The following GRAMD1B variants were observed in gnomAD, a reference collection of about 807,000 sequenced individuals.
GRAMD1B encodes protein Aster-B.
Under a neutral mutation model 99.7 loss-of-function variants are expected in GRAMD1B, and 37 were observed. The ratio of observed to expected loss-of-function variants is 0.37; its 90% confidence interval spans 0.29 to 0.49. The LOEUF (loss-of-function observed/expected upper bound fraction) is 0.49. Ranked by LOEUF, GRAMD1B falls within the 20% of genes least tolerant of loss-of-function variation. The pLI is 0.98. For missense variants in GRAMD1B, 888 were observed against 1,009.2 expected, an observed-to-expected ratio of 0.88 and a Z score of 1.63; for synonymous variants, 427 against 387.6, an observed-to-expected ratio of 1.10 and a Z score of -1.19.
chr11:123,457,728 G>GT (rs1171755548), intron 1 of GRAMD1B, among the ~76,000 whole-genome samples: 2 of 152,134 alleles, frequency 1.3e-5, no homozygotes, highest in Non-Finnish European at 2.9e-5. Flanking sequence ...TTATGTATTT[G>GT]TTTTTTGAGA....
intron 1 of GRAMD1B, among the ~76,000 whole-genome samples, chr11:123,364,455 G>A (rs1946251701): frequency 1.3e-5 from 2 of 152,240 alleles, no homozygotes; most frequent in African/African-American, 4.8e-5. Flanking sequence ...GTCTATTAAG[G>A]GGAAGACAGA....
chr11:123,597,985 A>C (rs982142037), intron 7 of GRAMD1B: 2 of 1,207,172 alleles, frequency 1.7e-6, no homozygotes, highest in African/African-American at 3.0e-5. Flanking sequence ...ATGTCTTCTT[A>C]TTCACAGCAT....
intron 4 of GRAMD1B, among the ~76,000 whole-genome samples, chr11:123,585,035 G>GC (rs1289561465): frequency 1.3e-5 from 2 of 152,214 alleles, no homozygotes; most frequent in African/African-American, 4.8e-5. Context: ...CTCTCAGCTG[G>GC]CCCCCGCCGT....
At chr11:123,507,968 CTG>C (rs1300782849) in intron 2 of GRAMD1B, among the ~76,000 whole-genome samples, 2 of 152,146 alleles carry the variant, frequency 1.3e-5, no homozygotes, top group African/African-American at 4.8e-5. Context: ...GCTCTACTGA[CTG>C]TGTGACCTTG....
chr11:123,584,371 A>AATTGGGAGGGGG, intron 4 of GRAMD1B, 39 bp downstream of exon 4: 3 of 127,446 alleles, frequency 2.4e-5, no homozygotes, highest in Non-Finnish European at 3.7e-5. Flanking sequence ...GGTACCTGAG[A>AATTGGGAGGGGG]AATGGGAGGG....
At chr11:123,621,668 A>G (rs374643890) in intron 19 of GRAMD1B, among the ~76,000 whole-genome samples, 266 of 152,318 alleles carry the variant, frequency 1.7e-3, no homozygotes, top group South Asian at 7.9e-3. Flanking sequence ...GGGGAGAACA[A>G]TGTGGCTCAA....
intron 14 of GRAMD1B, among the ~76,000 whole-genome samples, chr11:123,612,138 G>T (rs546024515): frequency 4.6e-5 from 7 of 152,118 alleles, no homozygotes; most frequent in African/African-American, 1.7e-4. Context: ...CCAGGCTGGA[G>T]TGCAGTGGTG....
At chr11:123,609,334 C>A (rs1200182442) in intron 12 of GRAMD1B, among the ~76,000 whole-genome samples, 1 of 152,128 alleles carries the variant, frequency 6.6e-6, no homozygotes, top group Non-Finnish European at 1.5e-5. Context: ...CCCCTTCCCC[C>A]AAACTCTTCC....
At chr11:123,605,596 C>T in intron 10 of GRAMD1B, 118 bp downstream of exon 10, 1 of 799,418 alleles carries the variant, frequency 1.3e-6, no homozygotes, top group Non-Finnish European at 2.0e-6. Flanking sequence ...ACATTGTTGT[C>T]AGTTTCTTCA....
At chr11:123,367,707 T>C (rs79701144) in intron 1 of GRAMD1B, among the ~76,000 whole-genome samples, 3 of 151,836 alleles carry the variant, frequency 2.0e-5, no homozygotes, top group Non-Finnish European at 2.9e-5. Flanking sequence ...TTTTTTTTTT[T>C]AGCAGGAGGG....
intron 1 of GRAMD1B, among the ~76,000 whole-genome samples, chr11:123,365,493 C>T (rs771756205): frequency 2.8e-4 from 42 of 152,300 alleles, no homozygotes; most frequent in Non-Finnish European, 4.4e-4. Context: ...CTCAGGTGAT[C>T]CACCCACCTT....
chr11:123,560,397 A>G, intron 2 of GRAMD1B: 1 of 1,176,488 alleles, frequency 8.5e-7, no homozygotes, highest in Non-Finnish European at 1.1e-6. Context: ...GGAGAGGGAA[A>G]TAAAGGGGAG....
rs963371271 is a variant in GRAMD1B, at chr11:123,394,854, C to T, written c.-176+36055C>T. Among the ~76,000 whole-genome samples, 10 of 152,276 alleles carry T rather than the reference C, an allele frequency of 6.6e-5. No homozygotes were observed. The East Asian group carries it at 1.5e-3, about 24-fold the overall frequency. On this transcript the variant is annotated intron_variant, in intron 1 of 20. Coordinates refer to the GRAMD1B transcript ENST00000638157. ...TCTGCTTCCAAGATGGCAACTTGAA[C>T]ATTGCCTTCTCTGGAGGCGAGGAAC...
chr11:123,550,938 T>C (rs2135854116), intron 2 of GRAMD1B, among the ~76,000 whole-genome samples: 1 of 152,282 alleles, frequency 6.6e-6, no homozygotes, highest in South Asian at 2.1e-4. Flanking sequence ...TTCACACACA[T>C]TCTTTGGTGG....
Position 123,624,170 on chromosome 11 carries a change from A to G in GRAMD1B, c.*1575A>G, listed in dbSNP as rs1360860710. ...CATGCAGAGGTCTTCAGTCTTGCTT[A>G]TTCTTCTCCTGGGCTTCTTGACACA... On this transcript the variant is annotated 3_prime_UTR_variant, in exon 20 of 20. Coordinates refer to ENST00000635736, the MANE Select transcript of GRAMD1B (RefSeq NM_001387025.1). 6.6e-6 allele frequency: 1 copy of G among 152,170 alleles called. No homozygotes were observed. Among genetic ancestry groups the G allele is most frequent in the Non-Finnish European group, 1.5e-5 (1 of 68,044 alleles). The allele number at this position is 152,170 out of a possible 1,614,324, so 9.4% of individuals were successfully genotyped here.
chr11:123,464,313 T>C (rs1950566568), intron 1 of GRAMD1B, among the ~76,000 whole-genome samples: 1 of 151,808 alleles, frequency 6.6e-6, no homozygotes, highest in Non-Finnish European at 1.5e-5. Flanking sequence ...GCCTCTAAAA[T>C]AGTAATAATG....
intron 2 of GRAMD1B, among the ~76,000 whole-genome samples, chr11:123,564,750 T>G (rs930386137): frequency 6.6e-6 from 1 of 152,192 alleles, no homozygotes; most frequent in Non-Finnish European, 1.5e-5. Context: ...AGCATTTCTC[T>G]TGCTGAGGAT....
chr11:123,570,579 A>G (rs1947966707), intron 2 of GRAMD1B, among the ~76,000 whole-genome samples: 1 of 151,800 alleles, frequency 6.6e-6, no homozygotes, highest in Non-Finnish European at 1.5e-5. Context: ...GTGCACCACC[A>G]CGCCCAGCTT....
At chr11:123,504,267 C>T (rs1366630723) in intron 2 of GRAMD1B, among the ~76,000 whole-genome samples, 6 of 152,206 alleles carry the variant, frequency 3.9e-5, no homozygotes, top group Non-Finnish European at 5.9e-5. Flanking sequence ...CTAAGCAAGA[C>T]GCCATGGGAG....
Sources: gnomAD v4.1 joint callset for allele counts (sites outside exome capture counted in the v4.1 genomes callset) on GRCh38, gnomAD v4.1.1 for gene constraint, MANE v1.5 for transcripts, NCBI Gene and HGNC (gene_info 2026-07-23, HGNC 2026-07-21) for gene names.